The following MSRA variants were observed in gnomAD, a reference collection of about 807,000 sequenced individuals.
The protein encoded by MSRA is methionine sulfoxide reductase A.
Under a neutral mutation model 31.3 loss-of-function variants are expected in MSRA, and 54 were observed. That is an observed-to-expected ratio of 1.73 (90% CI 1.39 to 2.17). The LOEUF is 2.17. Ranked by LOEUF, MSRA falls within the 30% of genes most tolerant of loss-of-function variation. MSRA has a pLI of 0.00. For synonymous variants in MSRA, 169 were observed against 116.5 expected (o/e 1.45, Z -2.90); for missense variants, 507 against 300.9 (o/e 1.69, Z -5.07).
intron 1 of MSRA, among the ~76,000 whole-genome samples, chr8:10,150,859 C>T (rs560941370): frequency 1.3e-5 from 2 of 152,280 alleles, no homozygotes; most frequent in African/African-American, 2.4e-5. Flanking sequence ...TTCTGCTGCT[C>T]TTGAACCTGT....
chr8:10,316,804 A>G (rs1422139687), intron 4 of MSRA, among the ~76,000 whole-genome samples: 1 of 152,198 alleles, frequency 6.6e-6, no homozygotes, highest in Non-Finnish European at 1.5e-5. Flanking sequence ...AAGAAGTGCC[A>G]TCTTTCACTG....
At chr8:10,054,921 C>T (rs937779323) in intron 1 of MSRA, among the ~76,000 whole-genome samples, 1 of 152,212 alleles carries the variant, frequency 6.6e-6, no homozygotes, top group African/African-American at 2.4e-5. Context: ...ATCGGTCTCA[C>T]TTACCCGGAG....
intron 1 of MSRA, among the ~76,000 whole-genome samples, chr8:10,178,530 A>G (rs546821334): frequency 1.3e-5 from 2 of 152,350 alleles, no homozygotes; most frequent in South Asian, 4.1e-4. Flanking sequence ...TATAATGCGG[A>G]AACTACCACA....
At chr8:10,124,555 A>T (rs910620224) in intron 1 of MSRA, among the ~76,000 whole-genome samples, 1 of 152,252 alleles carries the variant, frequency 6.6e-6, no homozygotes, top group Non-Finnish European at 1.5e-5. Flanking sequence ...TCTTGCTCCT[A>T]TGATTCTACT....
chr8:10,311,698 A>C (rs1801443279), intron 4 of MSRA, among the ~76,000 whole-genome samples: 2 of 152,162 alleles, frequency 1.3e-5, no homozygotes, highest in Non-Finnish European at 2.9e-5. Flanking sequence ...GGATCACTTG[A>C]ATCCAGGAGT....
chr8:10,357,309 A>G (rs1169896599), intron 5 of MSRA, among the ~76,000 whole-genome samples: 1 of 152,216 alleles, frequency 6.6e-6, no homozygotes, highest in Non-Finnish European at 1.5e-5. Context: ...TTGGGTACTC[A>G]GTGGCACAGG....
intron 3 of MSRA, among the ~76,000 whole-genome samples, chr8:10,269,109 A>T (rs1052896249): frequency 6.6e-6 from 1 of 152,240 alleles, no homozygotes; most frequent in South Asian, 2.1e-4. Flanking sequence ...GTTCTAGCCA[A>T]TGTCGATGGA....
chr8:10,122,830 G>A (rs555539862), intron 1 of MSRA, among the ~76,000 whole-genome samples: 15 of 152,150 alleles, frequency 9.9e-5, no homozygotes, highest in Middle Eastern at 3.4e-3. Context: ...GATAATATCC[G>A]CCAGCTCCAT....
At chr8:10,080,610 T>G (rs1223969562) in intron 1 of MSRA, among the ~76,000 whole-genome samples, 2 of 152,006 alleles carry the variant, frequency 1.3e-5, no homozygotes, top group Non-Finnish European at 2.9e-5. Flanking sequence ...ACTGCAGCCT[T>G]GAACTTCTGG....
At chr8:10,054,850 T>G (rs559055222) in intron 1 of MSRA, among the ~76,000 whole-genome samples, 192 bp downstream of exon 1, 1 of 152,258 alleles carries the variant, frequency 6.6e-6, no homozygotes, top group Admixed American at 6.5e-5. Flanking sequence ...GACGTCCCTT[T>G]GTCTTTGTTT....
chr8:10,111,325 C>T (rs1800263081), intron 1 of MSRA, among the ~76,000 whole-genome samples: 1 of 152,134 alleles, frequency 6.6e-6, no homozygotes, highest in Non-Finnish European at 1.5e-5. Context: ...GTCAAACCTC[C>T]ACCCTTGCCC....
At chr8:10,343,160 T>G (rs1803548469) in intron 5 of MSRA, among the ~76,000 whole-genome samples, 1 of 152,186 alleles carries the variant, frequency 6.6e-6, no homozygotes, top group Non-Finnish European at 1.5e-5. Context: ...CCAGCTTTTC[T>G]CCATCTCTTG....
At chr8:10,142,022 G>A (rs552044190) in intron 1 of MSRA, among the ~76,000 whole-genome samples, 3 of 152,160 alleles carry the variant, frequency 2.0e-5, no homozygotes, top group Admixed American at 6.6e-5. Flanking sequence ...GCAATGGCGC[G>A]ATCTTGGCTC....
intron 3 of MSRA, among the ~76,000 whole-genome samples, chr8:10,287,445 G>A (rs1049791316): frequency 5.3e-5 from 8 of 152,112 alleles, no homozygotes; most frequent in East Asian, 3.9e-4. Context: ...CCAATCTAAG[G>A]TATCATCATC....
intron 3 of MSRA, among the ~76,000 whole-genome samples, chr8:10,250,231 C>T (rs1361072504): frequency 6.6e-6 from 1 of 152,174 alleles, no homozygotes; most frequent in Non-Finnish European, 1.5e-5. Context: ...TTCCTGAATA[C>T]TCTGATAGAG....
intron 1 of MSRA, among the ~76,000 whole-genome samples, chr8:10,072,973 C>A (rs1210735810): frequency 6.6e-6 from 1 of 152,198 alleles, no homozygotes; most frequent in Admixed American, 6.5e-5. Flanking sequence ...TTGCTGAACT[C>A]ACTTTAGTAG....
intron 1 of MSRA, among the ~76,000 whole-genome samples, chr8:10,183,513 A>T (rs1273624161): frequency 6.6e-6 from 1 of 152,192 alleles, no homozygotes; most frequent in Non-Finnish European, 1.5e-5. Flanking sequence ...GGGGCAGACC[A>T]AGGGTCTGGG....
chr8:10,426,076 T>C (rs1809141925), intron 5 of MSRA, among the ~76,000 whole-genome samples: 1 of 152,154 alleles, frequency 6.6e-6, no homozygotes, highest in African/African-American at 2.4e-5. Context: ...GTGGGCAGCC[T>C]CTTCACAGGC....
chr8:10,379,445 G>A (rs964042378), intron 5 of MSRA, among the ~76,000 whole-genome samples: 2 of 152,216 alleles, frequency 1.3e-5, no homozygotes, highest in African/African-American at 4.8e-5. Context: ...CAGCAGAGGG[G>A]GAGCCCGGGC....
Sources: gnomAD v4.1 joint callset for allele counts (sites outside exome capture counted in the v4.1 genomes callset) on GRCh38, gnomAD v4.1.1 for gene constraint, MANE v1.5 for transcripts, NCBI Gene and HGNC (gene_info 2026-07-23, HGNC 2026-07-21) for gene names.